The following CAPN12 variants were observed in gnomAD, a reference collection of about 807,000 sequenced individuals.
The protein encoded by CAPN12 is calpain 12, also known as calpain-12.
CAPN12 carries 107 observed loss-of-function variants against 95.0 expected under a neutral mutation model. That is an observed-to-expected ratio of 1.13 (90% confidence interval 0.96 to 1.32). CAPN12 has a LOEUF of 1.32. CAPN12 is among the 40% of genes most tolerant of loss of function. CAPN12 has a pLI of 0.00. For synonymous variants in CAPN12, 505 were observed against 415.5 expected (o/e 1.22, Z -2.62); for missense variants, 1,136 against 997.8 (o/e 1.14, Z -1.87).
In CAPN12 at chr19:38,736,249, G is replaced by T. The variant is rs1328777916; in HGVS notation, c.1444C>A (p.Pro482Thr). 2.0e-6 allele frequency: 3 copies of T among 1,476,970 alleles called. No homozygotes were observed. In the Admixed American group the frequency reaches 7.2e-5, roughly 36 times the overall value. The allele number at this position is 1,476,970 out of a possible 1,614,324, so 91.5% of individuals were successfully genotyped here. Residue 482 changes from proline to threonine, a missense_variant, in exon 12 of 21, where the codon CCC becomes ACC. Physicochemically the swap from Pro to Thr is conservative, Grantham distance 38. Coordinates refer to ENST00000328867, the MANE Select transcript of CAPN12 (RefSeq NM_144691.4). Reference protein sequence around the residue: ...LPRLLRADRSPLSARRDVTRR... With the variant: ...LPRLLRADRSTLSARRDVTRR... The stretch of plus-strand genomic sequence containing the variant: ...GTCACGTCGCGGCGGGCGCTGAGGG[G>T]CGAGCGGTCGGCGCGCAGCAGCCGG...
intron 18 of CAPN12, chr19:38,733,007 C>G (rs1969742296): frequency 6.6e-6 from 1 of 152,188 alleles, no homozygotes; most frequent in Admixed American, 6.6e-5. Context: ...TTGGCCGGCT[C>G]TCTTTGGGGC....
intron 15 of CAPN12, 134 bp downstream of exon 15, chr19:38,734,679 G>T (rs988715219): frequency 5.1e-6 from 4 of 790,156 alleles, no homozygotes; most frequent in Non-Finnish European, 8.0e-6. Flanking sequence ...GGGAGATGCT[G>T]CCAGGCTGAG....
rs1176968965 is a variant in CAPN12, at chr19:38,734,834, G to A, written c.1723C>T (p.Leu575=). ...ELNASQLQAL[L]SIALEPARAH... The stretch of plus-strand genomic sequence containing the variant: ...TCACCAGGCTCCAGGGCAATGCTTA[G>A]TAAGGCCTGGAGCTGAGAGGCATTG... Residue 575 remains leucine, a synonymous_variant, in exon 15 of 21, where the codon CTA becomes TTA. Transcript: ENST00000328867. 22 of 1,612,732 alleles carry A rather than the reference G, an allele frequency of 1.4e-5. No homozygotes were observed. The highest frequency in any genetic ancestry group is 1.9e-5 in the Non-Finnish European group (22 of 1,179,840).
chr19:38,740,549 C>T (rs1300571499), intron 4 of CAPN12, among the ~76,000 whole-genome samples: 1 of 152,200 alleles, frequency 6.6e-6, no homozygotes, highest in Non-Finnish European at 1.5e-5. Flanking sequence ...CCTGTAATCC[C>T]AGCGCTTTGG....
At chr19:38,732,926 T>C (rs2145149768) in intron 18 of CAPN12, among the ~76,000 whole-genome samples, 1 of 152,286 alleles carries the variant, frequency 6.6e-6, no homozygotes, top group East Asian at 1.9e-4. Context: ...CTGGCTCTCT[T>C]TCTTGGTTAG....
rs1970341680 is a variant in CAPN12, at chr19:38,738,338, G to C, written c.900C>G (p.Arg300=). The C allele has an allele frequency of 6.2e-7, 1 of 1,611,862 alleles. No individual in the cohort carries two copies. Among genetic ancestry groups the C allele is most frequent in the African/African-American group, 1.3e-5 (1 of 74,858 alleles). ...WTGAWSDSCP[R]WDTLPTECRD... The stretch of plus-strand genomic sequence containing the variant: ...GGCACTCGGTGGGGAGTGTGTCCCA[G>C]CGTGGGCAGCTGGAGAGACTGTGGT... Residue 300 remains arginine, a synonymous_variant, in exon 8 of 21, where the codon CGC becomes CGG. Transcript: ENST00000328867.
At position 38,744,136 on chromosome 19, in the gene CAPN12, G is replaced by C. The variant is rs1970754513; in HGVS notation, c.30C>G (p.Ile10Met). The change falls in exon 1 of 21, where the codon ATC becomes ATG. Residue 10 changes from isoleucine (I) to methionine (M), a missense_variant. Coordinates refer to ENST00000328867, the MANE Select transcript of CAPN12 (RefSeq NM_144691.4). MASSSGRVT[I>M]QLVDEEAGVG... Reference sequence around the variant, plus strand: ...CCCCAGCCTCCTCATCCACGAGCTGGATGGTGACCCTCCCACTGCTGGATG... The same window carrying C: ...CCCCAGCCTCCTCATCCACGAGCTGCATGGTGACCCTCCCACTGCTGGATG... 6.2e-7 allele frequency: 1 copy of C among 1,613,972 alleles called. No individual in the cohort carries two copies. Among genetic ancestry groups the C allele is most frequent in the African/African-American group, 1.3e-5 (1 of 74,928 alleles).
intron 8 of CAPN12, 37 bp from the exon 9 acceptor site, chr19:38,737,675 C>A (rs762332523): frequency 2.0e-6 from 3 of 1,501,326 alleles, no homozygotes; most frequent in South Asian, 1.3e-5. Context: ...CCCGGCCCCA[C>A]CTCGAGGGGG....
At chr19:38,736,808 C>T (rs1463063054) in intron 10 of CAPN12, 14 of 594,268 alleles carry the variant, frequency 2.4e-5, no homozygotes, top group Non-Finnish European at 3.6e-5. Context: ...CTTCTAACCC[C>T]CAGCCTCTCT....
chr19:38,739,985 C>T (rs1182695299), intron 5 of CAPN12, 66 bp downstream of exon 5: 6 of 1,446,860 alleles, frequency 4.1e-6, no homozygotes, highest in Non-Finnish European at 5.5e-6. Context: ...CTCCGCCCAC[C>T]CCACCACACC....
intron 18 of CAPN12, chr19:38,731,484 G>A (rs1396509545): frequency 2.0e-5 from 11 of 536,886 alleles, no homozygotes; most frequent in South Asian, 1.0e-4. Flanking sequence ...CACGTGACTC[G>A]ATGTGTGGGT....
Position 38,737,490 on chromosome 19 carries a change from T to TC in CAPN12, c.1113dup (p.Ser372GlufsTer4). ...CAGGCCTCACCAGCATTAGGCTGGC[T>TC]CCCGCCGGAGTTGAAGCCACGCACC... On this transcript the variant is annotated frameshift_variant, in exon 9 of 21. Coordinates refer to ENST00000328867, the MANE Select transcript of CAPN12 (RefSeq NM_144691.4). LOFTEE classifies it high-confidence loss of function. The TC allele has an allele frequency of 6.2e-7, 1 of 1,612,616 alleles. No individual in the cohort carries two copies. The highest frequency in any genetic ancestry group is 8.5e-7 in the Non-Finnish European group (1 of 1,179,878).
rs563664489 is a variant in CAPN12 at position 38,731,140 on chromosome 19, C to T, written c.2041G>A (p.Val681Met). The change falls in exon 19 of 21, where the codon GTG becomes ATG. Residue 681 changes from valine (V) to methionine (M), a missense_variant. By Grantham distance (21) the Val-to-Met change is conservative. Coordinates refer to ENST00000328867, the MANE Select transcript of CAPN12 (RefSeq NM_144691.4). ...CAGGTGAGGTGGGCCACACAGGACA[C>T]GAACCGCTCGAAGTCCACACGCAGA... ...SRLRVDFERF[V>M]SCVAHLTCIF... 88 of 1,612,866 alleles carry T rather than the reference C, an allele frequency of 5.5e-5. No individual in the cohort carries two copies. The highest frequency in any genetic ancestry group is 1.9e-4 in the South Asian group (17 of 90,996).
intron 18 of CAPN12, 170 bp downstream of exon 18, chr19:38,733,533 G>T: frequency 5.7e-5 from 31 of 547,094 alleles, no homozygotes; most frequent in East Asian, 9.1e-5. Context: ...TTCCTTATTT[G>T]GCCTCTTTCA....
At chr19:38,731,315 G>A in intron 18 of CAPN12, 92 bp from the exon 19 acceptor site, 2 of 948,594 alleles carry the variant, frequency 2.1e-6, no homozygotes, top group South Asian at 1.3e-5. Context: ...GGACATGAAT[G>A]CCACAGGGTG....
chr19:38,731,496 C>T, intron 18 of CAPN12: 1 of 513,710 alleles, frequency 1.9e-6, no homozygotes, highest in Non-Finnish European at 3.6e-6. Context: ...TGTGTGGGTA[C>T]TGTTACTCCT....
At position 38,730,846 on chromosome 19, in the gene CAPN12, G is replaced by A; in HGVS notation, c.*6C>T. On this transcript the variant is annotated 3_prime_UTR_variant, in exon 21 of 21. Transcript: ENST00000328867. Reference sequence around the variant, plus strand: ...CCTGAGCAGCAGGTGCGCCCATCCGGAGATCCTAGGAGAAGGTGGCCACCT... The same window carrying A: ...CCTGAGCAGCAGGTGCGCCCATCCGAAGATCCTAGGAGAAGGTGGCCACCT... The A allele has an allele frequency of 6.4e-7, 1 of 1,551,044 alleles. No individual in the cohort carries two copies. Among genetic ancestry groups the A allele is most frequent in the Non-Finnish European group, 8.7e-7 (1 of 1,147,252 alleles).
chr19:38,731,077 CAT>C (rs752624900), intron 19 of CAPN12, 28 bp downstream of exon 19: 1 of 1,093,446 alleles, frequency 9.1e-7, no homozygotes, highest in Non-Finnish European at 1.3e-6. Flanking sequence ...CCCTTCCCCC[CAT>C]GCCCCACCAT....
chr19:38,736,463 G>A, intron 11 of CAPN12, 89 bp downstream of exon 11: 1 of 1,475,030 alleles, frequency 6.8e-7, no homozygotes, highest in Non-Finnish European at 9.1e-7. Context: ...CACCCCCAGG[G>A]CAGTTTGACC....
Sources: gnomAD v4.1 joint callset for allele counts (sites outside exome capture counted in the v4.1 genomes callset) on GRCh38, gnomAD v4.1.1 for gene constraint, MANE v1.5 for transcripts, NCBI Gene and HGNC (gene_info 2026-07-23, HGNC 2026-07-21) for gene names.